The following UNKL variants were observed in gnomAD, a reference collection of about 807,000 sequenced individuals.
The protein encoded by UNKL is unk like zinc finger, also known as putative E3 ubiquitin-protein ligase UNKL.
A neutral mutation model predicts 78.0 loss-of-function variants in UNKL; 60 were observed. That is an observed-to-expected ratio of 0.77 (90% CI 0.63 to 0.95). The LOEUF (loss-of-function observed/expected upper bound fraction) is 0.95, where lower values mean the gene tolerates loss of function less well. Ranked by LOEUF, UNKL falls within the 40% of genes least tolerant of loss-of-function variation. The pLI is 0.00. For missense variants in UNKL, 1,159 were observed against 1,045.7 expected, an observed-to-expected ratio of 1.11 and a Z score of -1.49; for synonymous variants, 608 against 474.8, an observed-to-expected ratio of 1.28 and a Z score of -3.65.
chr16:1,368,846 A>G (rs2035535295), intron 12 of UNKL, among the ~76,000 whole-genome samples: 1 of 152,140 alleles, frequency 6.6e-6, no homozygotes, highest in African/African-American at 2.4e-5. Flanking sequence ...GGCTGCAGTG[A>G]GCCAAGATTG....
chr16:1,363,497 C>A lies in UNKL; in HGVS notation c.*2743G>T. The A allele has an allele frequency of 3.4e-6, 1 of 296,916 alleles. No individual in the cohort carries two copies. Among genetic ancestry groups the A allele is most frequent in the Non-Finnish European group, 6.6e-6 (1 of 151,764 alleles). The allele number at this position is 296,916 out of a possible 1,614,324, so 18.4% of individuals were successfully genotyped here. On this transcript the variant is annotated 3_prime_UTR_variant, in exon 15 of 15. Transcript: ENST00000389221. ...CACAGTTACACACGTCGTGACACCA[C>A]TGTATCACGGCGAATGTCGAACACT...
At chr16:1,408,762 G>GC (rs1555460175) in intron 2 of UNKL, 1 of 152,376 alleles carries the variant, frequency 6.6e-6, no homozygotes, top group Non-Finnish European at 1.5e-5. Context: ...GCAGCGGGGG[G>GC]CCCTCCTGGG....
chr16:1,389,641 C>T (rs1202529268), intron 9 of UNKL, among the ~76,000 whole-genome samples: 15 of 152,206 alleles, frequency 9.9e-5, no homozygotes, highest in African/African-American at 3.1e-4. Context: ...CAGGGCCCTA[C>T]GCAGCCACTG....
At chr16:1,379,607 G>A (rs1443985400) in intron 10 of UNKL, 1 of 985,008 alleles carries the variant, frequency 1.0e-6, no homozygotes, top group East Asian at 1.1e-4. Context: ...GGCGGCGCAC[G>A]GCTGCCACGC....
chr16:1,406,473 A>G (rs1307554849), intron 2 of UNKL, among the ~76,000 whole-genome samples: 2 of 152,110 alleles, frequency 1.3e-5, no homozygotes, highest in Admixed American at 6.5e-5. Flanking sequence ...TTGGCATCCC[A>G]AAGTGCTGGG....
In UNKL at chr16:1,370,160, C is replaced by G. The variant is rs1567201264; in HGVS notation, c.1555G>C (p.Gly519Arg). ...GGGCTGTAGGATGAGGCTGCAGAGC[C>G]CAGTGTGCCCGGCTCTGAACGCAGG... ...PPLRSEPGTL[G>R]SAASSYSPLG... The change falls in exon 12 of 15, where the codon GGC becomes CGC. Residue 519 changes from glycine to arginine, a missense_variant. Coordinates refer to ENST00000389221, the MANE Select transcript of UNKL (RefSeq NM_001372107.1). 6.6e-7 allele frequency: 1 copy of G among 1,515,758 alleles called. No individual in the cohort carries two copies. The highest frequency in any genetic ancestry group is 8.9e-7 in the Non-Finnish European group (1 of 1,126,840). 93.9% of individuals were successfully genotyped at this position (1,515,758 alleles called of 1,614,324 possible).
chr16:1,373,106 A>G (rs569251752), intron 10 of UNKL, among the ~76,000 whole-genome samples: 2 of 8,314 alleles, frequency 2.4e-4, no homozygotes, highest in Non-Finnish European at 2.1e-4. Context: ...GGAACACACC[A>G]CACAGGGACT....
At chr16:1,390,741 G>A (rs2037013521) in intron 8 of UNKL, 47 bp from the exon 9 acceptor site, 1 of 1,531,712 alleles carries the variant, frequency 6.5e-7, no homozygotes. Context: ...GGGAGGAAAT[G>A]TAAATTAAAA....
chr16:1,396,743 G>A lies in UNKL; in HGVS notation c.852+435C>T, dbSNP rs563007228. On this transcript the variant is annotated intron_variant, in intron 6 of 14. Transcript: ENST00000389221. ...TGAGTAGCTGGGACTACAGACGCCC[G>A]CCACCACGCCTGGCTGATTTTTTGC... Among the ~76,000 whole-genome samples, 188 of 152,100 alleles carry A rather than the reference G, an allele frequency of 1.2e-3. 1 individual carries two copies. The highest frequency in any genetic ancestry group is 4.1e-3 in the African/African-American group (172 of 41,508).
chr16:1,370,187 G>T lies in UNKL; in HGVS notation c.1528C>A (p.Pro510Thr). 6.6e-7 allele frequency: 1 copy of T among 1,519,872 alleles called. No homozygotes were observed. The highest frequency in any genetic ancestry group is 8.9e-7 in the Non-Finnish European group (1 of 1,129,668). 94.1% of individuals were successfully genotyped at this position (1,519,872 alleles called of 1,614,324 possible). ...AGTGTGCCCGGCTCTGAACGCAGGG[G>T]TGGCGGCTGCTGGGGAGGCGTCATG... ...SAMTPPQQPPPLRSEPGTLGS... is the reference protein window; with the variant it reads ...SAMTPPQQPPTLRSEPGTLGS... The change falls in exon 12 of 15, where the codon CCC becomes ACC. Residue 510 changes from proline (P) to threonine (T), a missense_variant. Physicochemically the swap from Pro to Thr is conservative, Grantham distance 38. Coordinates refer to ENST00000389221, the MANE Select transcript of UNKL (RefSeq NM_001372107.1).
In UNKL at chr16:1,370,134, G is replaced by C. The variant is rs781127422; in HGVS notation, c.1581C>G (p.Pro527=). Residue 527 remains proline, a synonymous_variant, in exon 12 of 15, where the codon CCC becomes CCG. Transcript: ENST00000389221. ...TLGSAASSYS[P]LGLNGVPGSI... ...ATGGAGGGAGCCGGCACTCACCTAGGGGGCTGTAGGATGAGGCTGCAGAGC... is the reference window on the plus strand; with the variant it reads ...ATGGAGGGAGCCGGCACTCACCTAGCGGGCTGTAGGATGAGGCTGCAGAGC... 7.9e-6 allele frequency: 12 copies of C among 1,526,384 alleles called. No individual in the cohort carries two copies. In the Admixed American group the frequency reaches 1.2e-4, roughly 15 times the overall value. The allele number at this position is 1,526,384 out of a possible 1,614,324, so 94.6% of individuals were successfully genotyped here. A position where few individuals can be genotyped will look rare whatever the true frequency, so the allele number is the denominator to read the frequency against.
rs778303849 is a variant in UNKL, at chr16:1,399,376, G to A, written c.732C>T (p.Tyr244=). 1.2e-5 allele frequency: 19 copies of A among 1,594,696 alleles called. No homozygotes were observed. Among genetic ancestry groups the A allele is most frequent in the Middle Eastern group, 2.1e-4 (1 of 4,772 alleles). ...TGAGCACGGTCCCGCAGGCTCACCT[G>A]TACTGGAACCGCCGGGGGTTGCGCC... ...DRRRNPRRFQ[Y]RSTPCPSVKH... is the part of the protein sequence containing the mutation. Residue 244 remains tyrosine (Y), a splice_region_variant and synonymous_variant, in exon 5 of 15, where the codon TAC becomes TAT. Coordinates refer to ENST00000389221, the MANE Select transcript of UNKL (RefSeq NM_001372107.1). The surrounding 1 kb of genome is among the most constrained non-coding windows in gnomAD (Gnocchi z 5.8).
chr16:1,385,951 G>A (rs1171412332), intron 9 of UNKL, among the ~76,000 whole-genome samples: 1 of 152,272 alleles, frequency 6.6e-6, no homozygotes, highest in African/African-American at 2.4e-5. Context: ...CACATGATCT[G>A]TATTTGGTGG....
intron 6 of UNKL, chr16:1,396,940 T>G: frequency 1.8e-6 from 1 of 543,774 alleles, no homozygotes; most frequent in South Asian, 2.2e-5. Flanking sequence ...CACATGACTC[T>G]TTCTTCTGTT....
intron 10 of UNKL, among the ~76,000 whole-genome samples, chr16:1,375,047 C>A (rs912799932): frequency 1.3e-5 from 2 of 152,188 alleles, no homozygotes; most frequent in Non-Finnish European, 1.5e-5. Context: ...CACCAGTCAG[C>A]GCCACGGGGA....
intron 9 of UNKL, among the ~76,000 whole-genome samples, chr16:1,386,051 C>A (rs113303158): frequency 1.4e-4 from 21 of 152,328 alleles, no homozygotes; most frequent in African/African-American, 4.3e-4. Context: ...AGAAAACACC[C>A]GACACAAAAG....
intron 10 of UNKL, among the ~76,000 whole-genome samples, chr16:1,381,295 T>C (rs909659351): frequency 1.3e-5 from 2 of 152,154 alleles, no homozygotes; most frequent in South Asian, 2.1e-4. Context: ...AAACTTTATT[T>C]AAAAAGAATG....
Position 1,411,079 on chromosome 16 carries a change from G to C in UNKL, c.287+2767C>G, listed in dbSNP as rs574400948. Among the ~76,000 whole-genome samples, 6 of 152,222 alleles carry C rather than the reference G, an allele frequency of 3.9e-5. No homozygotes were observed. In the South Asian group the frequency reaches 1.2e-3, roughly 32 times the overall value. On this transcript the variant is annotated intron_variant, in intron 2 of 14. Coordinates refer to ENST00000389221, the MANE Select transcript of UNKL (RefSeq NM_001372107.1). ...AAATTAAAAATGAGCCGAGGTGTGT[G>C]GTGGCTCACACCTGTAATCCTAGCA...
chr16:1,401,306 C>CT (rs2037513788), intron 4 of UNKL: 2 of 389,628 alleles, frequency 5.1e-6, no homozygotes. Context: ...TCCTCGGCCA[C>CT]TTGGTCAATG....
Sources: allele counts gnomAD v4.1 joint callset (sites outside exome capture counted in the v4.1 genomes callset), GRCh38; gene constraint gnomAD v4.1.1; non-coding constraint Gnocchi (gnomAD v3.1); transcripts MANE v1.5; gene names NCBI Gene and HGNC (gene_info 2026-07-23, HGNC 2026-07-21).